The following CAMTA1 variants were observed in gnomAD, a reference collection of about 807,000 sequenced individuals.
CAMTA1 encodes the protein calmodulin-binding transcription activator 1.
CAMTA1 carries 27 observed loss-of-function variants against 170.9 expected under a neutral mutation model. The ratio of observed to expected loss-of-function variants is 0.16; its 90% confidence interval spans 0.12 to 0.22. The LOEUF is 0.22. Among genes scored for constraint, CAMTA1 ranks in the 10% least tolerant of loss-of-function variants. The pLI, the probability that CAMTA1 is intolerant of heterozygous loss-of-function variation, is 1.00. For missense variants in CAMTA1, 1,619 were observed against 2,217.2 expected (o/e 0.73, Z 5.42); for synonymous variants, 833 against 891.5 (o/e 0.93, Z 1.17).
At chr1:7,676,215 T>C (rs567071809) in intron 10 of CAMTA1, among the ~76,000 whole-genome samples, 96 of 152,300 alleles carry the variant, frequency 6.3e-4, no homozygotes, top group African/African-American at 2.2e-3. Flanking sequence ...AACAGAGCCA[T>C]AGCAGGTTCT....
intron 6 of CAMTA1, among the ~76,000 whole-genome samples, chr1:7,630,108 G>T (rs2095659012): frequency 6.6e-6 from 1 of 152,144 alleles, no homozygotes. Context: ...GCCAGCCCGG[G>T]CCCCCACGCA....
chr1:6,883,013 C>T (rs377053715), intron 3 of CAMTA1, among the ~76,000 whole-genome samples: 1 of 152,292 alleles, frequency 6.6e-6, no homozygotes, highest in East Asian at 1.9e-4. Flanking sequence ...TCTCTTGCCT[C>T]AGCCTCCCAA....
rs1282945167 is a variant in CAMTA1 at position 7,455,469 on chromosome 1, C to T, written c.439-12361C>T. ...GCTGATGAAAGCTGGTTTCAGGAATCCAACTCCTCTTAATGTCCTGGCAGA... is the reference window on the plus strand; with the variant it reads ...GCTGATGAAAGCTGGTTTCAGGAATTCAACTCCTCTTAATGTCCTGGCAGA... On this transcript the variant is annotated intron_variant, in intron 5 of 22. Transcript: ENST00000303635. This position sits in a 1 kb window ranked among gnomAD's most constrained non-coding sequence, Gnocchi z 5.0. 6.6e-6 allele frequency among the ~76,000 whole-genome samples: 1 copy of T among 152,222 alleles called. No individual in the cohort carries two copies. Among genetic ancestry groups the T allele is most frequent in the African/African-American group, 2.4e-5 (1 of 41,462 alleles).
chr1:6,959,330 C>T (rs1689987880), intron 3 of CAMTA1, among the ~76,000 whole-genome samples: 1 of 152,172 alleles, frequency 6.6e-6, no homozygotes, highest in African/African-American at 2.4e-5. Flanking sequence ...AGGGGTCCCC[C>T]ATAGGACACG....
intron 6 of CAMTA1, among the ~76,000 whole-genome samples, chr1:7,490,342 G>A (rs1210270385): frequency 1.3e-5 from 2 of 152,198 alleles, no homozygotes; most frequent in Admixed American, 6.5e-5. Context: ...CCATAAAGTC[G>A]GAACTGTCAT....
chr1:6,925,353 C>T (rs1229262020), intron 3 of CAMTA1, among the ~76,000 whole-genome samples: 2 of 152,064 alleles, frequency 1.3e-5, no homozygotes, highest in African/African-American at 2.4e-5. Context: ...CACTGTGCCT[C>T]GTGCAAAAAA....
intron 1 of CAMTA1, among the ~76,000 whole-genome samples, chr1:6,792,828 A>G (rs925524720): frequency 6.6e-6 from 1 of 152,170 alleles, no homozygotes; most frequent in Non-Finnish European, 1.5e-5. Flanking sequence ...GGTAACTTCA[A>G]GGAAGATATG....
chr1:7,391,789 C>A (rs1024496727), intron 5 of CAMTA1, among the ~76,000 whole-genome samples: 38 of 152,138 alleles, frequency 2.5e-4, no homozygotes, highest in Non-Finnish European at 2.9e-5. Flanking sequence ...TGGCTTCTTT[C>A]GCCAGACATA....
In CAMTA1 at chr1:6,920,732, A is replaced by T. The variant is rs534962812; in HGVS notation, c.234+95522A>T. The stretch of plus-strand genomic sequence containing the variant: ...ACTTCTCTGCACCTGCAGGCTCTAG[A>T]GTGTGTGAAAGCTGCCAAGGCTTAG... On this transcript the variant is annotated intron_variant, in intron 3 of 22. Coordinates refer to ENST00000303635, the MANE Select transcript of CAMTA1 (RefSeq NM_015215.4). Among the ~76,000 whole-genome samples, 387 of 152,292 alleles carry T rather than the reference A, an allele frequency of 2.5e-3. 2 individuals carry two copies. Among genetic ancestry groups the T allele is most frequent in the Admixed American group, 5.6e-3 (86 of 15,300 alleles).
Position 7,746,711 on chromosome 1 carries a change from C to T in CAMTA1, c.4617+620C>T, listed in dbSNP as rs541187246. The stretch of plus-strand genomic sequence containing the variant: ...GAAGTGCAGTGGTGCAATCTCTGCT[C>T]ACTGCAACCTCCACCTCCCAATTCA... On this transcript the variant is annotated intron_variant, in intron 18 of 22. Coordinates refer to ENST00000303635, the MANE Select transcript of CAMTA1 (RefSeq NM_015215.4). 5.5e-4 allele frequency among the ~76,000 whole-genome samples: 84 copies of T among 152,318 alleles called. 1 individual carries two copies. The highest frequency in any genetic ancestry group is 3.4e-3 in the Admixed American group (52 of 15,296).
At chr1:7,494,766 T>G (rs2093798308) in intron 6 of CAMTA1, among the ~76,000 whole-genome samples, 1 of 152,070 alleles carries the variant, frequency 6.6e-6, no homozygotes, top group African/African-American at 2.4e-5. Context: ...ATGGCGCCAC[T>G]GCACTCCAGC....
At chr1:7,667,033 C>T (rs1406382011) in intron 9 of CAMTA1, among the ~76,000 whole-genome samples, 1 of 152,170 alleles carries the variant, frequency 6.6e-6, no homozygotes, top group African/African-American at 2.4e-5. Context: ...GGGTTACAGA[C>T]ACACCCTGCT....
intron 6 of CAMTA1, among the ~76,000 whole-genome samples, chr1:7,590,497 A>G (rs1258775897): frequency 6.6e-5 from 10 of 152,288 alleles, no homozygotes; most frequent in South Asian, 2.1e-4. Flanking sequence ...TTGGGCTGGC[A>G]TCTCTGATTT....
chr1:6,866,280 A>C (rs1309356258), intron 3 of CAMTA1, among the ~76,000 whole-genome samples: 3 of 152,200 alleles, frequency 2.0e-5, no homozygotes, highest in Non-Finnish European at 4.4e-5. Flanking sequence ...ACATTTTTGC[A>C]AGTGATGTTA....
chr1:6,976,932 G>C (rs572899437), intron 3 of CAMTA1, among the ~76,000 whole-genome samples: 1 of 152,258 alleles, frequency 6.6e-6, no homozygotes, highest in South Asian at 2.1e-4. Flanking sequence ...TTTTATAAAG[G>C]GCAGTTCCCC....
chr1:7,569,081 TCAA>T (rs1025987565), intron 6 of CAMTA1, among the ~76,000 whole-genome samples: 19 of 150,276 alleles, frequency 1.3e-4, no homozygotes, highest in African/African-American at 3.9e-4. Flanking sequence ...ACCACCATCA[TCAA>T]CATCACCATC....
intron 6 of CAMTA1, among the ~76,000 whole-genome samples, chr1:7,553,632 G>A (rs1385005128): frequency 6.6e-6 from 1 of 152,244 alleles, no homozygotes; most frequent in Non-Finnish European, 1.5e-5. Context: ...CCAGATGGGG[G>A]TGCTGAAAGG....
At chr1:6,938,188 C>G (rs993455003) in intron 3 of CAMTA1, among the ~76,000 whole-genome samples, 17 of 152,198 alleles carry the variant, frequency 1.1e-4, no homozygotes, top group African/African-American at 4.1e-4. Context: ...CAACTCTGTA[C>G]TTTTGTCAAG....
chr1:6,806,377 G>A (rs986692575), intron 1 of CAMTA1, among the ~76,000 whole-genome samples: 2 of 152,164 alleles, frequency 1.3e-5, no homozygotes, highest in African/African-American at 4.8e-5. Context: ...ATTAGGATCA[G>A]CTTGTTAGTT....
Sources: allele counts gnomAD v4.1 joint callset (sites outside exome capture counted in the v4.1 genomes callset), GRCh38; gene constraint gnomAD v4.1.1; non-coding constraint Gnocchi (gnomAD v3.1); transcripts MANE v1.5; gene names NCBI Gene and HGNC (gene_info 2026-07-23, HGNC 2026-07-21).